Variants in DCP1B observed in about 807,000 individuals in gnomAD.
DCP1B encodes the protein mRNA-decapping enzyme 1B.
In DCP1B, 47 loss-of-function variants were observed where a neutral mutation model predicts 60.5. The observed-to-expected ratio is 0.78, with a 90% CI of 0.61 to 0.99. The LOEUF (loss-of-function observed/expected upper bound fraction) is 0.99. Ranked by LOEUF, DCP1B falls within the 50% of genes least tolerant of loss-of-function variation. The pLI is 0.00. For missense variants in DCP1B, 725 were observed against 756.8 expected, an observed-to-expected ratio of 0.96 and a Z score of 0.49; for synonymous variants, 267 against 280.3, an observed-to-expected ratio of 0.95 and a Z score of 0.47.
At chr12:1,989,381 A>G (rs963395167) in intron 3 of DCP1B, among the ~76,000 whole-genome samples, 1 of 151,884 alleles carries the variant, frequency 6.6e-6, no homozygotes, top group Non-Finnish European at 1.5e-5. Flanking sequence ...GAGCAGAGCA[A>G]AGAGAAAAAG....
chr12:1,942,805 G>A (rs577985053), downstream of DCP1B, among the ~76,000 whole-genome samples: 52 of 152,298 alleles, frequency 3.4e-4, no homozygotes, highest in African/African-American at 1.2e-3. Flanking sequence ...AGTGTTTAGA[G>A]GGAAATTTAT....
At chr12:1,959,176 C>T (rs975274752) in intron 5 of DCP1B, among the ~76,000 whole-genome samples, 3 of 152,232 alleles carry the variant, frequency 2.0e-5, no homozygotes, top group African/African-American at 4.8e-5. Flanking sequence ...CCTAACGTTG[C>T]TCTGGGCAAT....
At chr12:1,983,730 C>T (rs2036823156) in intron 3 of DCP1B, among the ~76,000 whole-genome samples, 1 of 151,982 alleles carries the variant, frequency 6.6e-6, no homozygotes, top group Admixed American at 6.5e-5. Flanking sequence ...TAAATGACAG[C>T]TGTGTTTAGT....
chr12:1,955,583 CT>C (rs775079672), intron 5 of DCP1B, 23 bp from the exon 6 acceptor site: 1 of 1,602,710 alleles, frequency 6.2e-7, no homozygotes, highest in Non-Finnish European at 8.5e-7. Context: ...AGAAAATCCC[CT>C]CATTTTTGGC....
chr12:2,004,153 T>A (rs1423208186), intron 1 of DCP1B, 129 bp downstream of exon 1: 1 of 1,349,920 alleles, frequency 7.4e-7, no homozygotes, highest in Non-Finnish European at 1.0e-6. Flanking sequence ...TCGGCCTCAG[T>A]CCCCAGATCC....
Position 1,952,747 on chromosome 12 carries a change from T to C in DCP1B, c.1193A>G (p.Lys398Arg). The part of the protein sequence containing the change: ...PTSVTPVAPG[K>R]GLAQPPQAYF... ...GGCCTGTGGTGGCTGAGCCAGACCC[T>C]TTCCTGGAGCCACAGGGGTGACAGA... The change falls in exon 7 of 9, where the codon AAG (lysine) becomes AGG (arginine). Residue 398 changes from lysine (K) to arginine (R), a missense_variant. Coordinates refer to ENST00000280665, the MANE Select transcript of DCP1B (RefSeq NM_152640.5). The C allele has an allele frequency of 6.2e-7, 1 of 1,614,184 alleles. No homozygotes were observed. Among genetic ancestry groups the C allele is most frequent in the South Asian group, 1.1e-5 (1 of 91,088 alleles).
downstream of DCP1B, among the ~76,000 whole-genome samples, chr12:1,943,302 T>C (rs1428882423): frequency 6.6e-6 from 1 of 152,048 alleles, no homozygotes; most frequent in Non-Finnish European, 1.5e-5. Flanking sequence ...GAGGCAGTAA[T>C]TAATAGCCTA....
At chr12:1,985,655 T>C (rs1282949237) in intron 3 of DCP1B, among the ~76,000 whole-genome samples, 1 of 152,188 alleles carries the variant, frequency 6.6e-6, no homozygotes, top group Non-Finnish European at 1.5e-5. Context: ...GATTGCACCC[T>C]GGACATTTTT....
chr12:1,977,545 T>G (rs1252834955), intron 3 of DCP1B, among the ~76,000 whole-genome samples: 1 of 152,224 alleles, frequency 6.6e-6, no homozygotes, highest in African/African-American at 2.4e-5. Flanking sequence ...TTAAGTACAC[T>G]GTACATGTCT....
At chr12:1,951,148 G>T (rs543988194) in intron 7 of DCP1B, among the ~76,000 whole-genome samples, 2 of 152,254 alleles carry the variant, frequency 1.3e-5, no homozygotes, top group East Asian at 3.9e-4. Context: ...GGTGGCAGGT[G>T]CCTGTAATCC....
In DCP1B at chr12:1,952,846, GC is replaced by G; in HGVS notation, c.1093del (p.Ala365GlnfsTer18). On this transcript the variant is annotated frameshift_variant, in exon 7 of 9. Transcript: ENST00000280665. LOFTEE classifies it high-confidence loss of function. ...TGTACTAGGGTCACACTTGTTTGCT[GC>G]CCCTGGGGTACTCTGAAGTTTCTCG... ...LFEKLQSTPG[A>X]ANKCDPSTPA... The G allele has an allele frequency of 6.2e-7, 1 of 1,614,156 alleles. No individual in the cohort carries two copies. Among genetic ancestry groups the G allele is most frequent in the Non-Finnish European group, 8.5e-7 (1 of 1,180,030 alleles).
In DCP1B at chr12:1,993,245, T is replaced by C. The variant is rs755502976; in HGVS notation, c.319+19A>G. On this transcript the variant is annotated intron_variant, in intron 3 of 8. Coordinates refer to ENST00000280665, the MANE Select transcript of DCP1B (RefSeq NM_152640.5). ...AAACTTCAGAAGTAAAACAACCCAC[T>C]GTAGTAAGAAAGACTCACATCTGGC... is the stretch of plus-strand genomic sequence containing the variant. 1.2e-6 allele frequency: 2 copies of C among 1,613,954 alleles called. No homozygotes were observed. Among genetic ancestry groups the C allele is most frequent in the Non-Finnish European group, 1.7e-6 (2 of 1,179,978 alleles).
At chr12:1,998,973 T>C (rs2041564157) in intron 1 of DCP1B, among the ~76,000 whole-genome samples, 1 of 152,224 alleles carries the variant, frequency 6.6e-6, no homozygotes, top group Admixed American at 6.5e-5. Context: ...AAACAGCAGT[T>C]TTTAAAAGGC....
At chr12:1,970,933 T>A (rs868083711) in intron 3 of DCP1B, 1 of 407,258 alleles carries the variant, frequency 2.5e-6, no homozygotes, top group Middle Eastern at 4.1e-4. Context: ...TACGGCCATG[T>A]CAACTTTTGT....
intron 5 of DCP1B, among the ~76,000 whole-genome samples, chr12:1,959,038 C>T (rs12809128): frequency 5.9e-5 from 8 of 135,328 alleles, no homozygotes; most frequent in Admixed American, 2.2e-4. Context: ...GAAAGCTCCC[C>T]AACGTTGCTC....
In DCP1B at chr12:1,993,332, G is replaced by A. The variant is rs747556349; in HGVS notation, c.251C>T (p.Thr84Ile). Residue 84 changes from threonine to isoleucine, a missense_variant, in exon 3 of 9, where the codon ACA becomes ATA. Transcript: ENST00000280665. ...IMNRLSMENR[T>I]EPITKDLDFQ... Reference sequence around the variant, plus strand: ...ATCCAAGTCTTTAGTAATAGGTTCTGTCCTATTTTCCATGCTCAGCCTATT... The same window carrying A: ...ATCCAAGTCTTTAGTAATAGGTTCTATCCTATTTTCCATGCTCAGCCTATT... 3.7e-6 allele frequency: 6 copies of A among 1,614,008 alleles called. No homozygotes were observed. Among genetic ancestry groups the A allele is most frequent in the Non-Finnish European group, 5.1e-6 (6 of 1,179,894 alleles).
At chr12:1,967,966 A>C in intron 3 of DCP1B, 56 bp from the exon 4 acceptor site, 1 of 1,410,988 alleles carries the variant, frequency 7.1e-7, no homozygotes, top group Non-Finnish European at 9.8e-7. Flanking sequence ...ACAAAATAGA[A>C]AAAAATCTCC....
chr12:1,991,798 T>A (rs1393578080), intron 3 of DCP1B: 1 of 155,222 alleles, frequency 6.4e-6, no homozygotes, highest in African/African-American at 2.4e-5. Flanking sequence ...TGTTTTTATA[T>A]TTTTGGTATA....
At chr12:1,982,181 T>G (rs1374367557) in intron 3 of DCP1B, among the ~76,000 whole-genome samples, 1 of 152,230 alleles carries the variant, frequency 6.6e-6, no homozygotes, top group Non-Finnish European at 1.5e-5. Flanking sequence ...TATGAATTGC[T>G]GGATTCAATT....
Sources: gnomAD v4.1 joint callset for allele counts (sites outside exome capture counted in the v4.1 genomes callset) on GRCh38, gnomAD v4.1.1 for gene constraint, MANE v1.5 for transcripts, NCBI Gene and HGNC (gene_info 2026-07-23, HGNC 2026-07-21) for gene names.